The following CCDC42 variants were observed in gnomAD, a reference collection of about 807,000 sequenced individuals.
CCDC42 encodes the protein coiled-coil domain-containing protein 42.
In CCDC42, 38 loss-of-function variants were observed where a neutral mutation model predicts 40.8. That is an observed-to-expected ratio of 0.93 (90% CI 0.72 to 1.22). CCDC42 has a LOEUF of 1.22. Among genes scored for constraint, CCDC42 ranks in the 50% most tolerant of loss-of-function variants. The pLI is 0.00. For synonymous variants in CCDC42, 135 were observed against 157.5 expected, an observed-to-expected ratio of 0.86 and a Z score of 1.07; for missense variants, 379 against 416.5, an observed-to-expected ratio of 0.91 and a Z score of 0.78.
At chr17:8,730,449 C>T (rs1048727602) in intron 6 of CCDC42, among the ~76,000 whole-genome samples, 2 of 152,188 alleles carry the variant, frequency 1.3e-5, no homozygotes, top group African/African-American at 4.8e-5. Context: ...AAGCAATTCT[C>T]GTGTCTCAGC....
At chr17:8,742,429 G>T (rs1357041497) in intron 3 of CCDC42, among the ~76,000 whole-genome samples, 2 of 152,178 alleles carry the variant, frequency 1.3e-5, no homozygotes, top group African/African-American at 2.4e-5. Flanking sequence ...GGAACAGGCA[G>T]TTCAATGCCC....
At chr17:8,743,397 A>G (rs1479170775) in intron 3 of CCDC42, among the ~76,000 whole-genome samples, 1 of 152,210 alleles carries the variant, frequency 6.6e-6, no homozygotes, top group African/African-American at 2.4e-5. Flanking sequence ...AAGAAATAGG[A>G]AACAGCCATC....
intron 4 of CCDC42, among the ~76,000 whole-genome samples, chr17:8,736,803 C>T (rs2086613865): frequency 6.6e-6 from 1 of 151,762 alleles, no homozygotes; most frequent in Admixed American, 6.6e-5. Flanking sequence ...GGCAGTGCTA[C>T]AGGTGAAGGA....
chr17:8,738,882 G>A lies in CCDC42; in HGVS notation c.492+2592C>T, dbSNP rs372567497. 2.7e-4 allele frequency among the ~76,000 whole-genome samples: 41 copies of A among 152,320 alleles called. 1 individual carries two copies. In the South Asian group the frequency reaches 8.5e-3, roughly 32 times the overall value. ...GAGAATTTTTAAAAGCAGGATACTC[G>A]TGATGTCTGAGGACAGGTGAAGAAA... On this transcript the variant is annotated intron_variant, in intron 4 of 6. Coordinates refer to ENST00000293845, the MANE Select transcript of CCDC42 (RefSeq NM_144681.3).
In CCDC42 at chr17:8,735,162, G is replaced by A. The variant is rs762112638; in HGVS notation, c.807C>T (p.Ile269=). 30 of 1,614,030 alleles carry A rather than the reference G, an allele frequency of 1.9e-5. No homozygotes were observed. The highest frequency in any genetic ancestry group is 1.6e-4 in the East Asian group (7 of 44,876). ...IKMATLNLFQ[I]VSKHLKEVTE... ...TCACCTCCTTCAGGTGCTTGCTCAC[G>A]ATCTGGAAGAGGTTCAGCGTGGCCA... The change falls in exon 6 of 7, where the codon ATC becomes ATT. Residue 269 remains isoleucine, a synonymous_variant. Transcript: ENST00000293845. The surrounding 1 kb of genome is among the most constrained non-coding windows in gnomAD (Gnocchi z 4.7).
At chr17:8,733,017 A>G (rs1420149366) in intron 6 of CCDC42, among the ~76,000 whole-genome samples, 2 of 152,024 alleles carry the variant, frequency 1.3e-5, no homozygotes, top group Non-Finnish European at 2.9e-5. Flanking sequence ...CATTATTCAT[A>G]CAGTGTCAAT....
chr17:8,731,748 T>G (rs1242764643), intron 6 of CCDC42, among the ~76,000 whole-genome samples: 3 of 152,096 alleles, frequency 2.0e-5, no homozygotes, highest in Non-Finnish European at 4.4e-5. Context: ...TGGGATCTGC[T>G]TGAGGGTGGA....
intron 6 of CCDC42, 137 bp downstream of exon 6, chr17:8,734,959 C>G (rs1221492158): frequency 4.6e-6 from 4 of 861,776 alleles, no homozygotes; most frequent in Non-Finnish European, 7.2e-6. Flanking sequence ...CCTCACCCTC[C>G]CAGGTGATCC....
chr17:8,733,145 G>T (rs2086590852), intron 6 of CCDC42, among the ~76,000 whole-genome samples: 1 of 152,064 alleles, frequency 6.6e-6, no homozygotes. Flanking sequence ...TTTCATTCAG[G>T]TTACCAGCAA....
At position 8,730,000 on chromosome 17, in the gene CCDC42, A is replaced by T. The variant is rs2152141230; in HGVS notation, c.*130T>A. The T allele has an allele frequency of 4.0e-6, 3 of 756,808 alleles. No homozygotes were observed. The East Asian group carries it at 8.0e-5, about 20-fold the overall frequency. The allele number at this position is 756,808 out of a possible 1,614,324, so 46.9% of individuals were successfully genotyped here. A position where few individuals can be genotyped will look rare whatever the true frequency, so the allele number is the denominator to read the frequency against. On this transcript the variant is annotated 3_prime_UTR_variant, in exon 7 of 7. Coordinates refer to ENST00000293845, the MANE Select transcript of CCDC42 (RefSeq NM_144681.3). ...GGATAGAGTGAGGCCCACGGGGGAA[A>T]ATAAGCAGGTGTCCCTCAGCAGGAA...
chr17:8,741,704 G>A (rs1230887146), intron 3 of CCDC42, 33 bp from the exon 4 acceptor site: 6 of 1,596,690 alleles, frequency 3.8e-6, no homozygotes, highest in African/African-American at 2.7e-5. Context: ...TGGTCAGGAA[G>A]CCTCGCCCAG....
At chr17:8,730,869 C>T (rs1229015053) in intron 6 of CCDC42, among the ~76,000 whole-genome samples, 3 of 152,110 alleles carry the variant, frequency 2.0e-5, no homozygotes, top group East Asian at 1.9e-4. Flanking sequence ...GGCAGGGTTC[C>T]GTCAGCATGG....
chr17:8,733,722 C>T (rs1348787144), intron 6 of CCDC42, among the ~76,000 whole-genome samples: 2 of 152,178 alleles, frequency 1.3e-5, no homozygotes, highest in African/African-American at 4.8e-5. Context: ...AACTCCTGAC[C>T]TCATGATCCA....
chr17:8,734,975 T>G (rs2086600826), intron 6 of CCDC42, 121 bp downstream of exon 6: 4 of 1,008,332 alleles, frequency 4.0e-6, no homozygotes, highest in African/African-American at 1.6e-5. Context: ...GATCCTGATG[T>G]TGTTAAATTT....
Position 8,744,693 on chromosome 17 carries a change from TG to T in CCDC42, c.-85del. 1.1e-6 allele frequency: 1 copy of T among 920,766 alleles called. No homozygotes were observed. 57.0% of individuals were successfully genotyped at this position (920,766 alleles called of 1,614,324 possible). On this transcript the variant is annotated 5_prime_UTR_variant, in exon 1 of 7. Transcript: ENST00000293845. ...AGAGCCACAGGTGGCTCAGGGGTGG[TG>T]GCTGCACTCTTGTTTCTCCCTTCGG...
chr17:8,740,134 G>T (rs1208752506), intron 4 of CCDC42, among the ~76,000 whole-genome samples: 2 of 152,220 alleles, frequency 1.3e-5, no homozygotes, highest in African/African-American at 4.8e-5. Flanking sequence ...GGATCTTCTG[G>T]CTGTTGGTCA....
chr17:8,742,032 C>T (rs1030958805), intron 3 of CCDC42, among the ~76,000 whole-genome samples: 2 of 151,998 alleles, frequency 1.3e-5, no homozygotes, highest in Non-Finnish European at 2.9e-5. Flanking sequence ...GGAAGACCTA[C>T]ATTGCACTGG....
chr17:8,741,413 G>A (rs916448673), intron 4 of CCDC42, 61 bp downstream of exon 4: 43 of 1,517,514 alleles, frequency 2.8e-5, no homozygotes, highest in South Asian at 7.9e-5. Context: ...CCCAGGCCCC[G>A]GGGAAGAGAG....
Position 8,730,003 on chromosome 17 carries a change from A to G in CCDC42, c.*127T>C, listed in dbSNP as rs2086569790. ...TAGAGTGAGGCCCACGGGGGAAAAT[A>G]AGCAGGTGTCCCTCAGCAGGAAGGC... On this transcript the variant is annotated 3_prime_UTR_variant, in exon 7 of 7. Coordinates refer to ENST00000293845, the MANE Select transcript of CCDC42 (RefSeq NM_144681.3). The G allele has an allele frequency of 2.6e-6, 2 of 764,602 alleles. No individual in the cohort carries two copies. The highest frequency in any genetic ancestry group is 2.1e-5 in the Admixed American group (1 of 48,154). 47.4% of individuals were successfully genotyped at this position (764,602 alleles called of 1,614,324 possible).
Sources: gnomAD v4.1 joint callset for allele counts (sites outside exome capture counted in the v4.1 genomes callset) on GRCh38, gnomAD v4.1.1 for gene constraint, Gnocchi (gnomAD v3.1) non-coding constraint, MANE v1.5 for transcripts, NCBI Gene and HGNC (gene_info 2026-07-23, HGNC 2026-07-21) for gene names.